The following MYO9B variants were observed in gnomAD, a reference collection of about 807,000 sequenced individuals.
MYO9B encodes myosin IXB.
MYO9B carries 71 observed loss-of-function variants against 229.5 expected under a neutral mutation model. The ratio of observed to expected loss-of-function variants is 0.31; its 90% CI spans 0.26 to 0.38. The LOEUF is 0.38. Among genes scored for constraint, MYO9B ranks in the 10% least tolerant of loss-of-function variants. The probability of loss-of-function intolerance (pLI) is 1.00; values close to 1 mark genes in which losing one functional copy is unlikely to be tolerated. For synonymous variants in MYO9B, 1,185 were observed against 1,235.8 expected, an observed-to-expected ratio of 0.96 and a Z score of 0.86; for missense variants, 2,255 against 2,920.5, an observed-to-expected ratio of 0.77 and a Z score of 5.25.
intron 1 of MYO9B, among the ~76,000 whole-genome samples, chr19:17,094,605 C>G (rs537134003): frequency 2.6e-5 from 4 of 152,128 alleles, no homozygotes; most frequent in Non-Finnish European, 5.9e-5. Context: ...CTTTTTAAAA[C>G]TTAATTAAGG....
intron 10 of MYO9B, among the ~76,000 whole-genome samples, chr19:17,164,310 T>C (rs2145324381): frequency 6.6e-6 from 1 of 152,296 alleles, no homozygotes. Context: ...AGAAAATCTT[T>C]TTGTTAGTTG....
At chr19:17,176,995 G>A (rs538471635) in intron 14 of MYO9B, among the ~76,000 whole-genome samples, 5 of 152,218 alleles carry the variant, frequency 3.3e-5, no homozygotes, top group South Asian at 4.1e-4. Context: ...GAGGTCGGGC[G>A]TTTGAGACCC....
chr19:17,205,141 A>G, intron 30 of MYO9B, 122 bp from the exon 31 acceptor site: 1 of 638,410 alleles, frequency 1.6e-6, no homozygotes, highest in Non-Finnish European at 2.6e-6. Context: ...CAAGAGTGAG[A>G]CTCCATCTCA....
At chr19:17,141,626 T>A (rs1279485850) in intron 2 of MYO9B, among the ~76,000 whole-genome samples, 1 of 149,080 alleles carries the variant, frequency 6.7e-6, no homozygotes, top group Non-Finnish European at 1.5e-5. Context: ...TCTCAGCTTC[T>A]CTGTCCTGCC....
chr19:17,175,538 C>T, intron 13 of MYO9B, 125 bp from the exon 14 acceptor site: 1 of 686,760 alleles, frequency 1.5e-6, no homozygotes, highest in South Asian at 2.4e-5. Context: ...GAGATCGCGC[C>T]ACTGTGCTCC....
rs73012526 is a variant in MYO9B, at chr19:17,188,448, A to G, written c.2688+403A>G. Among the ~76,000 whole-genome samples, 446 of 122,200 alleles carry G rather than the reference A, an allele frequency of 3.6e-3. 2 individuals are homozygous for G. The highest frequency in any genetic ancestry group is 7.7e-3 in the Middle Eastern group (2 of 260). 80.2% of individuals were successfully genotyped at this position (122,200 alleles called of 152,430 possible). A position where few individuals can be genotyped will look rare whatever the true frequency, so the allele number is the denominator to read the frequency against. On this transcript the variant is annotated intron_variant, in intron 19 of 39. Transcript: ENST00000682292. ...CATCTCAAAAAAAAAAAAAAAAAAA[A>G]AAGAAGAAACCCCTGCCTCATGCCA...
chr19:17,161,211 C>T (rs2072598113), intron 8 of MYO9B, among the ~76,000 whole-genome samples: 1 of 152,080 alleles, frequency 6.6e-6, no homozygotes, highest in East Asian at 1.9e-4. Flanking sequence ...GCACGCCCCA[C>T]CCCCTCCCCG....
At chr19:17,189,367 G>C (rs1158746803) in intron 19 of MYO9B, among the ~76,000 whole-genome samples, 1 of 152,052 alleles carries the variant, frequency 6.6e-6, no homozygotes, top group Non-Finnish European at 1.5e-5. Context: ...GCCCAGTGTG[G>C]TGGCTCATGC....
At chr19:17,197,439 G>GATAGATAGATAC (rs1555704413) in intron 22 of MYO9B, among the ~76,000 whole-genome samples, 14 of 151,078 alleles carry the variant, frequency 9.3e-5, no homozygotes, top group South Asian at 4.2e-4. Context: ...TAGATAGATA[G>GATAGATAGATAC]ATAGATAGAT....
chr19:17,131,352 G>A (rs908235980), intron 2 of MYO9B, among the ~76,000 whole-genome samples: 7 of 152,184 alleles, frequency 4.6e-5, no homozygotes, highest in Middle Eastern at 3.2e-3. Flanking sequence ...CACTGCAACC[G>A]CTGCCTCCCG....
chr19:17,131,119 T>C (rs1281565959), intron 2 of MYO9B, among the ~76,000 whole-genome samples: 1 of 152,162 alleles, frequency 6.6e-6, no homozygotes, highest in Non-Finnish European at 1.5e-5. Context: ...TTAGTAATTT[T>C]CCATCCACTG....
chr19:17,183,654 G>A (rs868393530), intron 15 of MYO9B, 175 bp from the exon 16 acceptor site: 37 of 592,408 alleles, frequency 6.2e-5, no homozygotes, highest in Non-Finnish European at 9.5e-5. Context: ...GCTGAGGCAC[G>A]CCACGGTGTG....
At chr19:17,109,964 A>G (rs929233245) in intron 2 of MYO9B, among the ~76,000 whole-genome samples, 1 of 152,208 alleles carries the variant, frequency 6.6e-6, no homozygotes, top group Non-Finnish European at 1.5e-5. Flanking sequence ...CCCAGGCCAC[A>G]CCGCAGAGAG....
chr19:17,161,375 G>C (rs571595772), intron 8 of MYO9B, among the ~76,000 whole-genome samples: 1 of 152,110 alleles, frequency 6.6e-6, no homozygotes, highest in African/African-American at 2.4e-5. Flanking sequence ...TGGATGAGTC[G>C]AGTGTTGACA....
At chr19:17,204,810 G>C (rs1235630192) in intron 30 of MYO9B, among the ~76,000 whole-genome samples, 2 of 152,044 alleles carry the variant, frequency 1.3e-5, no homozygotes, top group Admixed American at 6.6e-5. Context: ...CTCTAGCCTG[G>C]GTGACAGAGT....
At chr19:17,170,430 C>T (rs1282240553) in intron 11 of MYO9B, among the ~76,000 whole-genome samples, 1 of 152,018 alleles carries the variant, frequency 6.6e-6, no homozygotes, top group Non-Finnish European at 1.5e-5. Context: ...GAATGAGGCA[C>T]ATCCCCTGCC....
intron 1 of MYO9B, among the ~76,000 whole-genome samples, chr19:17,090,177 C>G (rs2057624636): frequency 9.4e-6 from 1 of 106,788 alleles, no homozygotes; most frequent in South Asian, 3.4e-4. Flanking sequence ...AAGGTCTGGC[C>G]CTGTTGGCCA....
intron 24 of MYO9B, 111 bp downstream of exon 24, chr19:17,198,419 C>A: frequency 7.0e-7 from 1 of 1,437,214 alleles, no homozygotes; most frequent in Non-Finnish European, 9.4e-7. Flanking sequence ...AAAGCACGTT[C>A]GCAAAGGCAT....
rs201327738 is a variant in MYO9B at position 17,165,043 on chromosome 19, T to A, written c.1671+1921T>A. ...CCACACCCAGCTAGTTTTTTGGTTTTATTTTTTGTAGAGACAGGGTCTTGC... is the reference window on the plus strand; with the variant it reads ...CCACACCCAGCTAGTTTTTTGGTTTAATTTTTTGTAGAGACAGGGTCTTGC... On this transcript the variant is annotated intron_variant, in intron 10 of 39. Coordinates refer to ENST00000682292, the MANE Select transcript of MYO9B (RefSeq NM_004145.4). Among the ~76,000 whole-genome samples the A allele has an allele frequency of 3.9e-5, 6 of 152,292 alleles. No individual in the cohort carries two copies. In the East Asian group the frequency reaches 1.2e-3, roughly 29 times the overall value.
Sources: gnomAD v4.1 joint callset for allele counts (sites outside exome capture counted in the v4.1 genomes callset) on GRCh38, gnomAD v4.1.1 for gene constraint, MANE v1.5 for transcripts, NCBI Gene and HGNC (gene_info 2026-07-23, HGNC 2026-07-21) for gene names.